SHISA9: variants seen among roughly 807,000 people sequenced by gnomAD.
SHISA9 encodes the protein shisa family member 9.
A neutral mutation model predicts 38.0 loss-of-function variants in SHISA9; 13 were observed. That is an observed-to-expected ratio of 0.34 (90% CI 0.22 to 0.54). The LOEUF (loss-of-function observed/expected upper bound fraction) is 0.54, where lower values mean the gene tolerates loss of function less well. Ranked by LOEUF, SHISA9 falls within the 20% of genes least tolerant of loss-of-function variation. The probability of loss-of-function intolerance (pLI) is 0.91; values close to 1 mark genes in which losing one functional copy is unlikely to be tolerated. For synonymous variants in SHISA9, 275 were observed against 242.0 expected (o/e 1.14, Z -1.27); for missense variants, 538 against 575.8 (o/e 0.93, Z 0.67).
intron 2 of SHISA9, among the ~76,000 whole-genome samples, chr16:13,001,722 A>G (rs550719500): frequency 6.6e-6 from 1 of 152,358 alleles, no homozygotes; most frequent in African/African-American, 2.4e-5. Context: ...AATAAATTTC[A>G]TCTCGGAAGA....
At chr16:13,484,773 C>A in the SHISA9 span, among the ~76,000 whole-genome samples, 1 of 152,048 alleles carries the variant, frequency 6.6e-6, no homozygotes, top group Non-Finnish European at 1.5e-5. Flanking sequence ...GAGCAGGAAG[C>A]GTGGGGAAGA....
At chr16:13,102,429 C>T (rs569505332) in intron 2 of SHISA9, among the ~76,000 whole-genome samples, 122 of 152,254 alleles carry the variant, frequency 8.0e-4, no homozygotes, top group Non-Finnish European at 1.1e-3. Flanking sequence ...CTGTCCTCAC[C>T]GCGTGGCCCA....
chr16:13,379,870 TATAGCTA>T, the SHISA9 span, among the ~76,000 whole-genome samples: 1 of 152,202 alleles, frequency 6.6e-6, no homozygotes, highest in Non-Finnish European at 1.5e-5. Context: ...TAGCTATCAT[TATAGCTA>T]ATATATCATT....
At chr16:13,550,389 T>G in the SHISA9 span, among the ~76,000 whole-genome samples, 1 of 152,218 alleles carries the variant, frequency 6.6e-6, no homozygotes, top group Non-Finnish European at 1.5e-5. Flanking sequence ...TAATTTGAAC[T>G]TTCTAAAATA....
the SHISA9 span, among the ~76,000 whole-genome samples, chr16:13,544,408 T>C: frequency 1.6e-5 from 2 of 123,884 alleles, no homozygotes; most frequent in South Asian, 6.0e-4. Flanking sequence ...TTTTTTGTTT[T>C]TTCGGGTTTT....
the SHISA9 span, among the ~76,000 whole-genome samples, chr16:13,473,857 G>C: frequency 4.6e-5 from 7 of 152,048 alleles, no homozygotes; most frequent in African/African-American, 1.7e-4. Context: ...ATTTTTTACT[G>C]TTTGGAATTT....
chr16:12,904,738 T>C (rs1212343255), intron 1 of SHISA9, among the ~76,000 whole-genome samples: 1 of 152,172 alleles, frequency 6.6e-6, no homozygotes, highest in Non-Finnish European at 1.5e-5. Flanking sequence ...TGGCAGCTTC[T>C]AAGGTATGAT....
At chr16:13,151,590 C>G (rs917965422) in intron 2 of SHISA9, among the ~76,000 whole-genome samples, 4 of 152,174 alleles carry the variant, frequency 2.6e-5, no homozygotes, top group African/African-American at 9.7e-5. Flanking sequence ...GTAACTATCT[C>G]TACTCTTGTT....
intron 2 of SHISA9, among the ~76,000 whole-genome samples, chr16:12,995,996 T>C (rs75815254): frequency 6.6e-6 from 1 of 152,228 alleles, no homozygotes; most frequent in Admixed American, 6.5e-5. Context: ...TCCCTGGAAA[T>C]TGAAGGAGGG....
the SHISA9 span, among the ~76,000 whole-genome samples, chr16:13,419,230 C>T: frequency 9.9e-5 from 15 of 152,078 alleles, no homozygotes; most frequent in African/African-American, 3.4e-4. Flanking sequence ...ACCAGGGAGC[C>T]CTGAATAAAT....
rs2071021222 is a variant in SHISA9, at chr16:12,901,948, G to A, written c.-117G>A. Reference sequence around the variant, plus strand: ...GCCCCGCGCCGCTCCCTGCATGTGCGGCCCGCGGCGGCTCGCAGCTCCCGG... The same window carrying A: ...GCCCCGCGCCGCTCCCTGCATGTGCAGCCCGCGGCGGCTCGCAGCTCCCGG... On this transcript the variant is annotated 5_prime_UTR_variant, in exon 1 of 5. Coordinates refer to ENST00000558583, the MANE Select transcript of SHISA9 (RefSeq NM_001145204.3). 2.4e-6 allele frequency: 2 copies of A among 820,716 alleles called. No individual in the cohort carries two copies. The highest frequency in any genetic ancestry group is 3.3e-6 in the Non-Finnish European group (2 of 609,378). The allele number at this position is 820,716 out of a possible 1,614,324, so 50.8% of individuals were successfully genotyped here.
chr16:13,443,124 T>G, the SHISA9 span, among the ~76,000 whole-genome samples: 4 of 152,214 alleles, frequency 2.6e-5, no homozygotes, highest in Non-Finnish European at 4.4e-5. Flanking sequence ...ATACTGTTTT[T>G]TCTGGGAAAG....
intron 2 of SHISA9, among the ~76,000 whole-genome samples, chr16:13,066,799 C>T (rs1307146035): frequency 6.6e-6 from 1 of 152,192 alleles, no homozygotes; most frequent in Non-Finnish European, 1.5e-5. Flanking sequence ...ATGTCAGTTA[C>T]ATTTTACAGA....
At chr16:12,915,944 CTGTT>C (rs1253054905) in intron 1 of SHISA9, among the ~76,000 whole-genome samples, 2 of 148,070 alleles carry the variant, frequency 1.4e-5, no homozygotes, top group East Asian at 4.0e-4. Context: ...GGTGTGGTAT[CTGTT>C]TGACAGCTCT....
At chr16:13,077,217 A>AT (rs1218114974) in intron 2 of SHISA9, among the ~76,000 whole-genome samples, 1 of 149,630 alleles carries the variant, frequency 6.7e-6, no homozygotes, top group Non-Finnish European at 1.5e-5. Flanking sequence ...CTCTGTTTCT[A>AT]TTTTTCACTT....
intron 1 of SHISA9, among the ~76,000 whole-genome samples, chr16:12,907,915 CTGTTA>C (rs1466196944): frequency 6.6e-6 from 1 of 152,230 alleles, no homozygotes; most frequent in Non-Finnish European, 1.5e-5. Flanking sequence ...CCAATTCACT[CTGTTA>C]TGTTAACTGC....
At chr16:13,097,133 A>AG (rs1269221508) in intron 2 of SHISA9, among the ~76,000 whole-genome samples, 1 of 152,190 alleles carries the variant, frequency 6.6e-6, no homozygotes, top group Non-Finnish European at 1.5e-5. Flanking sequence ...GTTGAGTAAT[A>AG]CTAAATGGGT....
At chr16:12,932,554 T>G (rs182029143) in intron 2 of SHISA9, among the ~76,000 whole-genome samples, 159 of 152,328 alleles carry the variant, frequency 1.0e-3, no homozygotes, top group African/African-American at 3.7e-3. Flanking sequence ...TTGGCCAGGC[T>G]GGTCTCGAGA....
chr16:13,330,352 A>C, the SHISA9 span, among the ~76,000 whole-genome samples: 1 of 152,212 alleles, frequency 6.6e-6, no homozygotes, highest in Non-Finnish European at 1.5e-5. Flanking sequence ...TTGTATATTT[A>C]GCTATCTTGT....
Sources: allele counts gnomAD v4.1 joint callset (sites outside exome capture counted in the v4.1 genomes callset), GRCh38; gene constraint gnomAD v4.1.1; transcripts MANE v1.5; gene names NCBI Gene and HGNC (gene_info 2026-07-23, HGNC 2026-07-21).